Variants in SIDT1 observed in about 807,000 individuals in gnomAD.
SIDT1 encodes the protein SID1 transmembrane family member 1.
A neutral mutation model predicts 107.5 loss-of-function variants in SIDT1; 101 were observed. The ratio of observed to expected loss-of-function variants is 0.94; its 90% confidence interval spans 0.80 to 1.11. The LOEUF is 1.11. Among genes scored for constraint, SIDT1 ranks in the 50% least tolerant of loss-of-function variants. The pLI, the probability that SIDT1 is intolerant of heterozygous loss-of-function variation, is 0.00. For missense variants in SIDT1, 1,076 were observed against 1,058.2 expected, an observed-to-expected ratio of 1.02 and a Z score of -0.23; for synonymous variants, 395 against 398.2, an observed-to-expected ratio of 0.99 and a Z score of 0.10.
Position 113,616,253 on chromosome 3 carries a change from T to C in SIDT1, c.2043+77T>C, listed in dbSNP as rs918913495. 2.6e-6 allele frequency: 3 copies of C among 1,150,514 alleles called. No homozygotes were observed. In the African/African-American group the frequency reaches 4.6e-5, roughly 17 times the overall value. The allele number at this position is 1,150,514 out of a possible 1,614,324, so 71.3% of individuals were successfully genotyped here. A position where few individuals can be genotyped will look rare whatever the true frequency, so the allele number is the denominator to read the frequency against. On this transcript the variant is annotated intron_variant, in intron 20 of 24. Transcript: ENST00000264852. ...AGTAGGAGGAACAGGCTTGGGGCAG[T>C]CACTCACGGCTCCTAAAATCAAGAA...
In SIDT1 at chr3:113,540,578, G is replaced by T. The variant is rs75422690; in HGVS notation, c.222+7335G>T. Among the ~76,000 whole-genome samples, 1,394 of 152,122 alleles carry T rather than the reference G, an allele frequency of 9.2e-3. 23 individuals carry two copies. The highest frequency in any genetic ancestry group is 9.8e-3 in the Non-Finnish European group (664 of 67,990). On this transcript the variant is annotated intron_variant, in intron 1 of 24. Transcript: ENST00000264852. Reference sequence around the variant, plus strand: ...CCCTGTTAGTGCTGTCAACTTGTTAGGCTCATTGTTTCATTTTACTTCTGA... The same window carrying T: ...CCCTGTTAGTGCTGTCAACTTGTTATGCTCATTGTTTCATTTTACTTCTGA...
intron 3 of SIDT1, among the ~76,000 whole-genome samples, chr3:113,568,776 C>T (rs1376259502): frequency 6.6e-6 from 1 of 152,046 alleles, no homozygotes; most frequent in African/African-American, 2.4e-5. Context: ...GGATACTACA[C>T]AAAAATAACA....
At chr3:113,621,018 A>G (rs962325913) in intron 21 of SIDT1, among the ~76,000 whole-genome samples, 2 of 152,232 alleles carry the variant, frequency 1.3e-5, no homozygotes, top group African/African-American at 4.8e-5. Context: ...CACCGTGATT[A>G]TCTGATAGTG....
chr3:113,602,655 A>T (rs990396274), intron 11 of SIDT1: 9 of 174,216 alleles, frequency 5.2e-5, no homozygotes, highest in Non-Finnish European at 1.1e-4. Context: ...ATACATAGCG[A>T]TGTGCATGTG....
At chr3:113,551,733 A>G (rs1469805088) in intron 1 of SIDT1, among the ~76,000 whole-genome samples, 3 of 152,060 alleles carry the variant, frequency 2.0e-5, no homozygotes, top group Non-Finnish European at 4.4e-5. Flanking sequence ...TAAAGTTGTC[A>G]AATTTTCTTT....
At chr3:113,577,481 A>G (rs1942994901) in intron 4 of SIDT1, among the ~76,000 whole-genome samples, 1 of 151,406 alleles carries the variant, frequency 6.6e-6, no homozygotes, top group Admixed American at 6.6e-5. Flanking sequence ...CTCCTCTCAT[A>G]AAGAAAGAGC....
At chr3:113,632,341 G>T (rs895248740), downstream of SIDT1, among the ~76,000 whole-genome samples, 6 of 152,010 alleles carry the variant, frequency 3.9e-5, no homozygotes, top group Non-Finnish European at 5.9e-5. Flanking sequence ...TAATTCAAAC[G>T]CTCTCTCTTT....
rs372387709 is a variant in SIDT1 at position 113,608,167 on chromosome 3, C to A, written c.1552C>A (p.Arg518Ser). ...GFLFLLIVLRRDILHRRALEA... is the reference protein window; with the variant it reads ...GFLFLLIVLRSDILHRRALEA... ...CCTCTTCCTGCTGATAGTCTTGCGCCGCGACATCCTCCATCGGAGAGCCCT... is the reference window on the plus strand; with the variant it reads ...CCTCTTCCTGCTGATAGTCTTGCGCAGCGACATCCTCCATCGGAGAGCCCT... The change falls in exon 16 of 25, where the codon CGC becomes AGC. Residue 518 changes from arginine to serine, a missense_variant. Transcript: ENST00000264852. The A allele has an allele frequency of 3.7e-6, 6 of 1,611,518 alleles. No homozygotes were observed. The African/African-American group carries it at 5.4e-5, about 14-fold the overall frequency.
At chr3:113,553,469 ACTT>A (rs1940499324) in intron 1 of SIDT1, among the ~76,000 whole-genome samples, 1 of 152,214 alleles carries the variant, frequency 6.6e-6, no homozygotes, top group African/African-American at 2.4e-5. Context: ...TCTAGAAGAT[ACTT>A]GCCTGCAATG....
At chr3:113,578,449 A>G (rs1396271726) in intron 4 of SIDT1, among the ~76,000 whole-genome samples, 2 of 150,444 alleles carry the variant, frequency 1.3e-5, no homozygotes, top group African/African-American at 4.9e-5. Context: ...CCTGGGCGAC[A>G]GAGCGAGACT....
chr3:113,546,111 T>TA (rs1390382864), intron 1 of SIDT1, among the ~76,000 whole-genome samples: 3 of 152,230 alleles, frequency 2.0e-5, no homozygotes, highest in Non-Finnish European at 4.4e-5. Flanking sequence ...CACGTGTTTT[T>TA]ATCCCTTTAC....
downstream of SIDT1, among the ~76,000 whole-genome samples, chr3:113,632,159 A>G (rs1362172758): frequency 6.6e-6 from 1 of 152,172 alleles, no homozygotes; most frequent in Non-Finnish European, 1.5e-5. Flanking sequence ...CATTATAGTT[A>G]CAATTTAGAA....
rs749283824 is a variant in SIDT1, at chr3:113,583,427, G to A, written c.766G>A (p.Glu256Lys). 33 of 1,597,794 alleles carry A rather than the reference G, an allele frequency of 2.1e-5. No homozygotes were observed. The highest frequency in any genetic ancestry group is 3.3e-4 in the Middle Eastern group (2 of 6,004). The part of the protein sequence containing the change: ...ITLQKKDFPG[E>K]QFFVVFVIKP... ...TATGCAGAAGAAGGATTTTCCAGGC[G>A]AGCAGTTCTTCGTGGTATTTGTGAT... is the stretch of plus-strand genomic sequence containing the variant. Residue 256 changes from glutamate (E) to lysine (K), a missense_variant, in exon 7 of 25, where the codon GAG (glutamate) becomes AAG (lysine). Physicochemically the swap from Glu to Lys is moderately conservative, Grantham distance 56. Transcript: ENST00000264852.
rs1049528071 is a variant in SIDT1, at chr3:113,583,480, A to G, written c.819A>G (p.Gly273=). 5 of 1,594,614 alleles carry G rather than the reference A, an allele frequency of 3.1e-6. No individual in the cohort carries two copies. The highest frequency in any genetic ancestry group is 1.7e-6 in the Non-Finnish European group (2 of 1,166,296). The change falls in exon 7 of 25, where the codon GGA becomes GGG. Residue 273 remains glycine, a synonymous_variant. Coordinates refer to ENST00000264852, the MANE Select transcript of SIDT1 (RefSeq NM_017699.3). ...AGCCTGAAGATTATGCCTGTGGAGG[A>G]TCTTTCTTCATCCAGGGTAAGAGCT... ...VIKPEDYACG[G]SFFIQEKENQ... is the part of the protein sequence containing the mutation.
At chr3:113,603,265 C>T in intron 12 of SIDT1, 115 bp downstream of exon 12, 14 of 1,088,166 alleles carry the variant, frequency 1.3e-5, no homozygotes, top group Non-Finnish European at 1.8e-5. Flanking sequence ...ACCCAAATTT[C>T]CCAGAAGACT....
intron 19 of SIDT1, among the ~76,000 whole-genome samples, chr3:113,612,805 A>G (rs576056425): frequency 1.3e-5 from 2 of 152,236 alleles, no homozygotes; most frequent in Non-Finnish European, 2.9e-5. Flanking sequence ...AAATTTTAAA[A>G]AATCATTTTA....
chr3:113,624,964 C>A (rs1029852559), intron 23 of SIDT1, among the ~76,000 whole-genome samples: 1 of 152,042 alleles, frequency 6.6e-6, no homozygotes, highest in African/African-American at 2.4e-5. Flanking sequence ...TTTGTCCATA[C>A]CTCTGTTGAT....
intron 21 of SIDT1, 21 bp downstream of exon 21, chr3:113,619,747 A>G (rs1221957307): frequency 9.9e-6 from 16 of 1,611,538 alleles, no homozygotes; most frequent in Non-Finnish European, 1.4e-5. Context: ...TTATGAAAAC[A>G]TGTTTTTGCC....
In SIDT1 at chr3:113,533,059, T is replaced by A; in HGVS notation, c.38T>A (p.Leu13Gln). 6.8e-6 allele frequency: 10 copies of A among 1,464,834 alleles called. No homozygotes were observed. Among genetic ancestry groups the A allele is most frequent in the Non-Finnish European group, 9.0e-6 (10 of 1,109,464 alleles). The allele number at this position is 1,464,834 out of a possible 1,614,324, so 90.7% of individuals were successfully genotyped here. A position where few individuals can be genotyped will look rare whatever the true frequency, so the allele number is the denominator to read the frequency against. The change falls in exon 1 of 25, where the codon CTG becomes CAG. Residue 13 changes from leucine (L) to glutamine (Q), a missense_variant. Coordinates refer to ENST00000264852, the MANE Select transcript of SIDT1 (RefSeq NM_017699.3). ...GCLRLALLCA[L>Q]PWLLLAASPG... ...CTGCGGCTCGCGCTGCTCTGCGCGCTGCCCTGGCTCCTGCTGGCGGCGTCG... is the reference window on the plus strand; with the variant it reads ...CTGCGGCTCGCGCTGCTCTGCGCGCAGCCCTGGCTCCTGCTGGCGGCGTCG...
Sources: gnomAD v4.1 joint callset for allele counts (sites outside exome capture counted in the v4.1 genomes callset) on GRCh38, gnomAD v4.1.1 for gene constraint, MANE v1.5 for transcripts, NCBI Gene and HGNC (gene_info 2026-07-23, HGNC 2026-07-21) for gene names.